ACACB: variants seen among roughly 807,000 people sequenced by gnomAD.
ACACB encodes the protein acetyl-CoA carboxylase 2.
In ACACB, 209 loss-of-function variants were observed where a neutral mutation model predicts 278.8. The ratio of observed to expected loss-of-function variants is 0.75; its 90% confidence interval spans 0.67 to 0.84. ACACB has a LOEUF of 0.84. ACACB is among the 40% of genes least tolerant of loss of function. ACACB has a pLI of 0.00. For synonymous variants in ACACB, 1,174 were observed against 1,285.6 expected (o/e 0.91, Z 1.86); for missense variants, 2,850 against 3,269.0 (o/e 0.87, Z 3.13).
In ACACB at chr12:109,133,863, A is replaced by ATTTT. The variant is rs67896522; in HGVS notation, c.-9-5518_-9-5515dup. On this transcript the variant is annotated intron_variant, in intron 1 of 52. Coordinates refer to ENST00000338432, the MANE Select transcript of ACACB (RefSeq NM_001093.4). ...TATATATATATATATATATATATATATTTTTTTTTTTTTTTTTTTCATTTT... is the reference window on the plus strand; with the variant it reads ...TATATATATATATATATATATATATATTTTTTTTTTTTTTTTTTTTTTTCATTTT... Among the ~76,000 whole-genome samples the ATTTT allele has an allele frequency of 7.5e-4, 53 of 70,618 alleles. 1 individual carries two copies. The highest frequency in any genetic ancestry group is 8.5e-4 in the Non-Finnish European group (34 of 40,158). 46.3% of individuals were successfully genotyped at this position (70,618 alleles called of 152,430 possible).
At position 109,125,833 on chromosome 12, in the gene ACACB, T is replaced by C. The variant is rs137876880; in HGVS notation, c.-10+9129T>C. Among the ~76,000 whole-genome samples the C allele has an allele frequency of 2.9e-3, 446 of 152,302 alleles. 2 individuals carry two copies. The highest frequency in any genetic ancestry group is 0.01 in the African/African-American group (418 of 41,562). On this transcript the variant is annotated intron_variant, in intron 1 of 52. Coordinates refer to ENST00000338432, the MANE Select transcript of ACACB (RefSeq NM_001093.4). Reference sequence around the variant, plus strand: ...AATCCAGATCTCGTGCTCTAACCAATGCACTGTGTCGCCCAGAGGGTTCTT... The same window carrying C: ...AATCCAGATCTCGTGCTCTAACCAACGCACTGTGTCGCCCAGAGGGTTCTT...
intron 11 of ACACB, among the ~76,000 whole-genome samples, chr12:109,182,271 T>G (rs2044502986): frequency 6.6e-6 from 1 of 152,264 alleles, no homozygotes; most frequent in Non-Finnish European, 1.5e-5. Context: ...CCTATGCCTG[T>G]TTGCCATTCG....
chr12:109,134,461 C>T (rs1269919642), intron 1 of ACACB, among the ~76,000 whole-genome samples: 1 of 152,086 alleles, frequency 6.6e-6, no homozygotes, highest in Admixed American at 6.5e-5. Context: ...CTGGGGAAGC[C>T]GGGATAGCTT....
In ACACB at chr12:109,241,239, C is replaced by T; in HGVS notation, c.4980C>T (p.Asp1660=). 3.1e-6 allele frequency: 5 copies of T among 1,614,238 alleles called. No individual in the cohort carries two copies. Among genetic ancestry groups the T allele is most frequent in the Non-Finnish European group, 3.4e-6 (4 of 1,180,046 alleles). The stretch of plus-strand genomic sequence containing the variant: ...CCAATGAGTCGGGCTACTACCTGGA[C>T]ATCAGCCTCTACAAAGAAGTGACTG... The part of the protein sequence containing the change: ...FITNESGYYL[D]ISLYKEVTDS... Residue 1660 remains aspartate (D), a synonymous_variant, in exon 36 of 53, where the codon GAC becomes GAT. Transcript: ENST00000338432.
chr12:109,144,006 A>C (rs1018712097), intron 2 of ACACB, among the ~76,000 whole-genome samples: 2 of 152,122 alleles, frequency 1.3e-5, no homozygotes, highest in Non-Finnish European at 2.9e-5. Context: ...GTCTCTACAA[A>C]AAATAAAAAT....
intron 11 of ACACB, among the ~76,000 whole-genome samples, chr12:109,180,440 T>C (rs2044427451): frequency 6.6e-6 from 1 of 152,224 alleles, no homozygotes. Context: ...CTGTGCTTTA[T>C]TCATGAAAAG....
At chr12:109,174,602 C>A (rs1327695307) in intron 7 of ACACB, among the ~76,000 whole-genome samples, 1 of 150,848 alleles carries the variant, frequency 6.6e-6, no homozygotes, top group Non-Finnish European at 1.5e-5. Context: ...TGTAACCCAA[C>A]CCCCCAACCC....
intron 10 of ACACB, among the ~76,000 whole-genome samples, chr12:109,179,597 C>T (rs919075624): frequency 6.6e-6 from 1 of 152,142 alleles, no homozygotes; most frequent in Non-Finnish European, 1.5e-5. Context: ...AGTGATCCTC[C>T]CACCTCAGCC....
At chr12:109,169,931 A>G (rs1429124026) in intron 4 of ACACB, among the ~76,000 whole-genome samples, 2 of 152,116 alleles carry the variant, frequency 1.3e-5, no homozygotes, top group Non-Finnish European at 2.9e-5. Context: ...CTGCTCTGGG[A>G]TTTCTTTCTG....
chr12:109,143,718 G>A (rs971125683), intron 2 of ACACB, among the ~76,000 whole-genome samples: 1 of 152,184 alleles, frequency 6.6e-6, no homozygotes, highest in African/African-American at 2.4e-5. Flanking sequence ...GAAGACTCAT[G>A]TGTGCTTGTT....
intron 18 of ACACB, among the ~76,000 whole-genome samples, chr12:109,200,978 G>A (rs181878536): frequency 1.3e-5 from 2 of 152,276 alleles, no homozygotes; most frequent in Non-Finnish European, 2.9e-5. Flanking sequence ...TGGGATTCTA[G>A]TCCAGGCCTG....
At chr12:109,208,766 G>A (rs2045595285) in intron 20 of ACACB, among the ~76,000 whole-genome samples, 1 of 152,150 alleles carries the variant, frequency 6.6e-6, no homozygotes, top group African/African-American at 2.4e-5. Flanking sequence ...TGCCTCAATT[G>A]CAAAATGGAC....
At chr12:109,233,202 A>G (rs1330481894) in intron 29 of ACACB, among the ~76,000 whole-genome samples, 1 of 151,852 alleles carries the variant, frequency 6.6e-6, no homozygotes, top group Non-Finnish European at 1.5e-5. Context: ...TGAGAATTAA[A>G]TGAGATAACA....
intron 52 of ACACB, 143 bp downstream of exon 52, chr12:109,265,668 C>A: frequency 9.4e-7 from 1 of 1,061,430 alleles, no homozygotes; most frequent in Non-Finnish European, 1.4e-6. Context: ...CCCCGCTCCC[C>A]AGCAAAGAGA....
At position 109,201,455 on chromosome 12, in the gene ACACB, C is replaced by T. The variant is rs572029947; in HGVS notation, c.2779-112C>T. On this transcript the variant is annotated intron_variant, in intron 18 of 52. Transcript: ENST00000338432. ...AACACTACCCAGGGAGTCATTCTGG[C>T]GCGTCCCTGGGTAGTGTCCCGGCGC... The T allele has an allele frequency of 1.0e-5, 13 of 1,273,036 alleles. No homozygotes were observed. In the Admixed American group the frequency reaches 1.2e-4, roughly 12 times the overall value. 78.9% of individuals were successfully genotyped at this position (1,273,036 alleles called of 1,614,324 possible).
At chr12:109,218,450 C>T (rs1256371176) in intron 24 of ACACB, among the ~76,000 whole-genome samples, 1 of 152,152 alleles carries the variant, frequency 6.6e-6, no homozygotes, top group Non-Finnish European at 1.5e-5. Flanking sequence ...TCTCGAACTC[C>T]CGCGCTCAAG....
intron 1 of ACACB, among the ~76,000 whole-genome samples, chr12:109,119,768 G>A (rs1035253120): frequency 5.3e-5 from 8 of 152,114 alleles, no homozygotes; most frequent in African/African-American, 9.6e-5. Context: ...ATGGTGGTGC[G>A]CCTGTAATCC....
intron 2 of ACACB, among the ~76,000 whole-genome samples, chr12:109,150,981 T>C (rs2043356573): frequency 1.5e-5 from 2 of 129,694 alleles, no homozygotes; most frequent in Admixed American, 1.5e-4. Flanking sequence ...CTTTTTTCTT[T>C]CTTTTTTTTT....
At chr12:109,185,051 T>C (rs1466249911) in intron 11 of ACACB, among the ~76,000 whole-genome samples, 1 of 152,156 alleles carries the variant, frequency 6.6e-6, no homozygotes, top group Admixed American at 6.5e-5. Context: ...TTTCTCTGAT[T>C]GTTTCTTCCT....
Sources: gnomAD v4.1 joint callset for allele counts (sites outside exome capture counted in the v4.1 genomes callset) on GRCh38, gnomAD v4.1.1 for gene constraint, MANE v1.5 for transcripts, NCBI Gene and HGNC (gene_info 2026-07-23, HGNC 2026-07-21) for gene names.